The following SLC12A7 variants were observed in gnomAD, a reference collection of about 807,000 sequenced individuals.
SLC12A7 encodes solute carrier family 12 member 7, also known as K-Cl cotransporter 4.
In SLC12A7, 100 loss-of-function variants were observed where a neutral mutation model predicts 120.6. That is an observed-to-expected ratio of 0.83 (90% confidence interval 0.71 to 0.98). SLC12A7 has a LOEUF of 0.98. SLC12A7 is among the 50% of genes least tolerant of loss of function. The pLI, the probability that SLC12A7 is intolerant of heterozygous loss-of-function variation, is 0.00. For synonymous variants in SLC12A7, 760 were observed against 678.0 expected, an observed-to-expected ratio of 1.12 and a Z score of -1.88; for missense variants, 1,373 against 1,548.1, an observed-to-expected ratio of 0.89 and a Z score of 1.90.
chr5:1,079,962 G>A (rs917761254), intron 9 of SLC12A7, among the ~76,000 whole-genome samples: 17 of 152,220 alleles, frequency 1.1e-4, no homozygotes, highest in African/African-American at 2.9e-4. Context: ...AGGGAGCCAC[G>A]GCCGGGGATG....
chr5:1,145,013 C>G, the SLC12A7 span, among the ~76,000 whole-genome samples: 1 of 152,256 alleles, frequency 6.6e-6, no homozygotes, highest in African/African-American at 2.4e-5. This position sits in a 1 kb window ranked among gnomAD's most constrained non-coding sequence, Gnocchi z 4.4. Flanking sequence ...CTGGACCAAC[C>G]GGGCCGGGGC....
At chr5:1,139,045 C>T in the SLC12A7 span, among the ~76,000 whole-genome samples, 10 of 143,276 alleles carry the variant, frequency 7.0e-5, no homozygotes, top group East Asian at 8.1e-4. Flanking sequence ...CTGCAGGGGT[C>T]GCCCCTCACC....
In SLC12A7 at chr5:1,077,839, G is replaced by T; in HGVS notation, c.1623C>A (p.Phe541Leu). ...ACGAGGGTGCGGGACTCACCTGCAG[G>T]AAGGGGACGATGCCGTCACGGGCAA... ...QAIARDGIVPFLQVFGHGKAN... is the reference protein window; with the variant it reads ...QAIARDGIVPLLQVFGHGKAN... Residue 541 changes from phenylalanine to leucine, a missense_variant, in exon 12 of 24, where the codon TTC becomes TTA. Physicochemically the swap from Phe to Leu is conservative, Grantham distance 22. Transcript: ENST00000264930. The T allele has an allele frequency of 6.3e-7, 1 of 1,586,478 alleles. No homozygotes were observed. The highest frequency in any genetic ancestry group is 8.6e-7 in the Non-Finnish European group (1 of 1,167,252).
intron 16 of SLC12A7, 37 bp downstream of exon 16, chr5:1,074,530 G>A (rs756595972): frequency 3.2e-5 from 50 of 1,567,954 alleles, no homozygotes; most frequent in Non-Finnish European, 4.3e-5. Flanking sequence ...CAGCTCTTCT[G>A]TGCGTCTGAG....
At chr5:1,073,541 G>A (rs1737946451) in intron 17 of SLC12A7, 92 bp downstream of exon 17, 1 of 1,394,908 alleles carries the variant, frequency 7.2e-7, no homozygotes, top group Non-Finnish European at 9.7e-7. Flanking sequence ...ACAGCACCGT[G>A]TTGACACGCT....
chr5:1,060,651 G>A lies in SLC12A7; in HGVS notation c.2740-200C>T, dbSNP rs113006482. Among the ~76,000 whole-genome samples, 339 of 152,288 alleles carry A rather than the reference G, an allele frequency of 2.2e-3. 2 individuals carry two copies. Among genetic ancestry groups the A allele is most frequent in the African/African-American group, 7.8e-3 (323 of 41,566 alleles). ...TGAGCGCACGATGGGCAGTCACGCC[G>A]CACACACGCTCTGCTCATGTCCCTC... On this transcript the variant is annotated intron_variant, in intron 20 of 23. Transcript: ENST00000264930.
At chr5:1,135,066 G>A in the SLC12A7 span, among the ~76,000 whole-genome samples, 1 of 152,106 alleles carries the variant, frequency 6.6e-6, no homozygotes, top group Non-Finnish European at 1.5e-5. Context: ...GGCAGAGGCT[G>A]CAGTGAGCCG....
chr5:1,095,197 C>T (rs1741003512), intron 1 of SLC12A7, among the ~76,000 whole-genome samples: 3 of 152,164 alleles, frequency 2.0e-5, no homozygotes, highest in South Asian at 4.1e-4. Context: ...TCGCCAGACC[C>T]CAAACCTGCC....
At chr5:1,117,467 T>G in the SLC12A7 span, among the ~76,000 whole-genome samples, 1 of 152,228 alleles carries the variant, frequency 6.6e-6, no homozygotes, top group African/African-American at 2.4e-5. The surrounding 1 kb of genome is among the most constrained non-coding windows in gnomAD (Gnocchi z 4.5). Context: ...ACTGCCTTTG[T>G]AGGATTAACA....
the SLC12A7 span, among the ~76,000 whole-genome samples, chr5:1,137,888 G>A: frequency 6.6e-6 from 1 of 152,204 alleles, no homozygotes; most frequent in East Asian, 1.9e-4. Flanking sequence ...GGATGTCGGC[G>A]CCAGCGCTGT....
chr5:1,091,876 C>T (rs1056280303), intron 3 of SLC12A7, among the ~76,000 whole-genome samples: 41 of 152,260 alleles, frequency 2.7e-4, no homozygotes, highest in African/African-American at 9.6e-4. Context: ...GCAGCGTCCA[C>T]GTGCAGCAGT....
chr5:1,133,691 C>T, the SLC12A7 span, among the ~76,000 whole-genome samples: 4 of 152,180 alleles, frequency 2.6e-5, no homozygotes, highest in Admixed American at 1.3e-4. Context: ...GTGCGCCCCT[C>T]GGTGAGAACT....
intron 8 of SLC12A7, among the ~76,000 whole-genome samples, chr5:1,082,648 T>C (rs1192086706): frequency 7.2e-6 from 1 of 139,418 alleles, no homozygotes; most frequent in Non-Finnish European, 1.6e-5. Context: ...CTTCCCCGTC[T>C]CGGGTTCTGG....
Position 1,076,787 on chromosome 5 carries a change from C to T in SLC12A7, c.1655G>A (p.Gly552Glu). The change falls in exon 13 of 24, where the codon GGG becomes GAG. Residue 552 changes from glycine to glutamate, a missense_variant. By Grantham distance (98) the Gly-to-Glu change is moderately conservative. Coordinates refer to ENST00000264930, the MANE Select transcript of SLC12A7 (RefSeq NM_006598.3). ...CAGCAGCAGCGCCCACGTGGGCTCCCCGTTGGCCTTCCCGTGGCCAAACAC... is the reference window on the plus strand; with the variant it reads ...CAGCAGCAGCGCCCACGTGGGCTCCTCGTTGGCCTTCCCGTGGCCAAACAC... Reference protein sequence around the residue: ...LQVFGHGKANGEPTWALLLTV... With the variant: ...LQVFGHGKANEEPTWALLLTV... 6.2e-7 allele frequency: 1 copy of T among 1,610,558 alleles called. No homozygotes were observed. Among genetic ancestry groups the T allele is most frequent in the Non-Finnish European group, 8.5e-7 (1 of 1,179,886 alleles).
intron 23 of SLC12A7, 122 bp downstream of exon 23, chr5:1,053,227 G>A: frequency 7.7e-7 from 1 of 1,299,242 alleles, no homozygotes. Context: ...AGCTCCCAGA[G>A]CCTGGGGCTG....
intron 1 of SLC12A7, among the ~76,000 whole-genome samples, chr5:1,098,327 C>T (rs1373523465): frequency 5.2e-5 from 1 of 19,154 alleles, no homozygotes; most frequent in Non-Finnish European, 1.2e-4. Context: ...CACCCAGCCC[C>T]CCTCTAACCC....
the SLC12A7 span, among the ~76,000 whole-genome samples, chr5:1,137,731 G>C: frequency 6.6e-6 from 1 of 152,254 alleles, no homozygotes; most frequent in Non-Finnish European, 1.5e-5. Flanking sequence ...CCTGGACATG[G>C]CCTCTGCAGG....
chr5:1,087,831 G>A (rs1260756327), intron 5 of SLC12A7, among the ~76,000 whole-genome samples: 2 of 152,234 alleles, frequency 1.3e-5, no homozygotes, highest in African/African-American at 2.4e-5. Context: ...CAGTTTACTA[G>A]TTATTACGTA....
intron 1 of SLC12A7, among the ~76,000 whole-genome samples, chr5:1,094,881 G>A (rs547670629): frequency 3.3e-5 from 5 of 152,188 alleles, no homozygotes; most frequent in African/African-American, 4.8e-5. Context: ...CCCAGGCTTC[G>A]AACCAGGGGG....
Sources: allele counts gnomAD v4.1 joint callset (sites outside exome capture counted in the v4.1 genomes callset), GRCh38; gene constraint gnomAD v4.1.1; non-coding constraint Gnocchi (gnomAD v3.1); transcripts MANE v1.5; gene names NCBI Gene and HGNC (gene_info 2026-07-23, HGNC 2026-07-21).